SEC14L3: variants seen among roughly 807,000 people sequenced by gnomAD.
SEC14L3 encodes the protein SEC14 like lipid binding 3.
Under a neutral mutation model 57.4 loss-of-function variants are expected in SEC14L3, and 56 were observed. The observed-to-expected ratio is 0.97, with a 90% CI of 0.79 to 1.22. SEC14L3 has a LOEUF of 1.22. Among genes scored for constraint, SEC14L3 ranks in the 50% most tolerant of loss-of-function variants. SEC14L3 has a pLI of 0.00. For missense variants in SEC14L3, 485 were observed against 511.7 expected (o/e 0.95, Z 0.50); for synonymous variants, 173 against 194.4 (o/e 0.89, Z 0.92).
intron 5 of SEC14L3, 122 bp downstream of exon 5, chr22:30,468,386 T>C: frequency 1.5e-6 from 1 of 658,728 alleles, no homozygotes; most frequent in Admixed American, 2.7e-5. Flanking sequence ...GCAACAGAGC[T>C]GGTGTTTGAC....
exon 13 of SEC14L3, chr22:30,449,194 A>G: frequency 1.9e-6 from 3 of 1,550,586 alleles, no homozygotes; most frequent in South Asian, 1.2e-5. Flanking sequence ...TCATGGCTGC[A>G]TATAATCACG....
Position 30,461,323 on chromosome 22 carries a change from T to G in SEC14L3, c.1068A>C (p.Ser356=), listed in dbSNP as rs575525687. The change falls in exon 11 of 12, where the codon TCA becomes TCC. Residue 356 remains serine (S), a synonymous_variant. Transcript: ENST00000215812. ...GGGCAGACTTACAGACGCCGGCCTC[T>G]GAGCAGGTGAGGTTCCCATCCTCGG... is the stretch of plus-strand genomic sequence containing the variant. The part of the protein sequence containing the change: ...MVPEDGNLTC[S]EAGVYVLRFD... 4 of 1,596,828 alleles carry G rather than the reference T, an allele frequency of 2.5e-6. No individual in the cohort carries two copies. Among genetic ancestry groups the G allele is most frequent in the South Asian group, 2.3e-5 (2 of 88,034 alleles).
At chr22:30,467,408 TA>T (rs1935456397) in intron 5 of SEC14L3, among the ~76,000 whole-genome samples, 1 of 152,152 alleles carries the variant, frequency 6.6e-6, no homozygotes, top group Non-Finnish European at 1.5e-5. Flanking sequence ...AATATAAATA[TA>T]AACTGATAAA....
At chr22:30,455,164 T>TTAATATA (rs1935095673), downstream of SEC14L3, among the ~76,000 whole-genome samples, 4 of 113,150 alleles carry the variant, frequency 3.5e-5, no homozygotes, top group Admixed American at 5.2e-4. Flanking sequence ...TATTTAATAT[T>TTAATATA]TAATATATTA....
Position 30,462,141 on chromosome 22 carries a change from G to T in SEC14L3, c.716C>A (p.Ala239Asp), listed in dbSNP as rs1405093133. 1 of 1,614,176 alleles carries T rather than the reference G, an allele frequency of 6.2e-7. No individual in the cohort carries two copies. Among genetic ancestry groups the T allele is most frequent in the East Asian group, 2.2e-5 (1 of 44,882 alleles). Reference protein sequence around the residue: ...LKLISPEELPAQFGGTLTDPD... With the variant: ...LKLISPEELPDQFGGTLTDPD... ...GTCAGTCAGGGTGCCCCCAAACTGG[G>T]CAGGCAGTTCCTCAGGACTGATGAG... Residue 239 changes from alanine (A) to aspartate (D), a missense_variant, in exon 9 of 12, where the codon GCC becomes GAC. By Grantham distance (126) the Ala-to-Asp change is moderately radical. Transcript: ENST00000215812.
chr22:30,449,771 G>T (rs1934946278), intron 12 of SEC14L3, among the ~76,000 whole-genome samples: 1 of 152,046 alleles, frequency 6.6e-6, no homozygotes. Context: ...CACCATGTTG[G>T]CCAGGCTTGT....
chr22:30,454,462 T>G (rs1399421218), downstream of SEC14L3, among the ~76,000 whole-genome samples: 1 of 96,132 alleles, frequency 1.0e-5, no homozygotes, highest in African/African-American at 4.4e-5. Flanking sequence ...AAATAACCCT[T>G]GTTTCTCTCT....
chr22:30,467,090 G>C lies in SEC14L3; in HGVS notation c.424-13C>G. ...TCTTCTTCCCTAGCTGCAAGGATGA[G>C]AGCAAGAAGTAGTTCTGGAGTTCAG... On this transcript the variant is annotated splice_polypyrimidine_tract_variant and intron_variant, in intron 5 of 11. Coordinates refer to ENST00000215812, the MANE Select transcript of SEC14L3 (RefSeq NM_174975.5). The C allele has an allele frequency of 1.9e-6, 3 of 1,613,966 alleles. No individual in the cohort carries two copies. In the South Asian group the frequency reaches 3.3e-5, roughly 18 times the overall value.
At chr22:30,467,856 T>G (rs750464351) in intron 5 of SEC14L3, among the ~76,000 whole-genome samples, 32 of 152,236 alleles carry the variant, frequency 2.1e-4, no homozygotes, top group Non-Finnish European at 4.3e-4. Context: ...ATTATTTCAT[T>G]TCACTTTTGC....
chr22:30,468,681 T>G lies in SEC14L3; in HGVS notation c.250A>C (p.Met84Leu), dbSNP rs141804836. The G allele has an allele frequency of 2.0e-4, 322 of 1,613,582 alleles. No individual in the cohort carries two copies. The highest frequency in any genetic ancestry group is 2.7e-4 in the Non-Finnish European group (319 of 1,179,694). The change falls in exon 5 of 12, where the codon ATG becomes CTG. Residue 84 changes from methionine to leucine, a missense_variant. By Grantham distance (15) the Met-to-Leu change is conservative. Coordinates refer to ENST00000215812, the MANE Select transcript of SEC14L3 (RefSeq NM_174975.5). ...WQPPEVIQKY[M>L]PGGLCGYDRD... ...TCATAGCCACACAGGCCCCCAGGCA[T>G]GTACTTCTGGATCACCTGGGCATGA...
At chr22:30,465,732 C>T (rs1181328696) in intron 7 of SEC14L3, among the ~76,000 whole-genome samples, 1 of 152,246 alleles carries the variant, frequency 6.6e-6, no homozygotes, top group Non-Finnish European at 1.5e-5. Flanking sequence ...AGCCAATTCT[C>T]CAACGAACCA....
At chr22:30,454,921 T>TCA (rs1935075807), downstream of SEC14L3, among the ~76,000 whole-genome samples, 1 of 45,024 alleles carries the variant, frequency 2.2e-5, no homozygotes, top group Non-Finnish European at 3.6e-5. Context: ...TTATTATATA[T>TCA]TATATAATAG....
chr22:30,452,246 C>CTTTTTTT (rs750537241), intron 12 of SEC14L3, among the ~76,000 whole-genome samples: 12 of 90,006 alleles, frequency 1.3e-4, no homozygotes, highest in Non-Finnish European at 1.9e-4. Context: ...TTCTTTCTTT[C>CTTTTTTT]TTTTTTTTTT....
intron 12 of SEC14L3, among the ~76,000 whole-genome samples, chr22:30,451,991 C>CAAAAAAAAAAAAAAAAA (rs34799395): frequency 1.8e-4 from 6 of 33,796 alleles, no homozygotes; most frequent in Non-Finnish European, 2.4e-4. Flanking sequence ...GACTCCATCT[C>CAAAAAAAAAAAAAAAAA]AAAAAAAAAA....
intron 7 of SEC14L3, among the ~76,000 whole-genome samples, chr22:30,465,957 G>A (rs1303005364): frequency 2.6e-5 from 4 of 152,230 alleles, no homozygotes; most frequent in Admixed American, 2.6e-4. Flanking sequence ...GCTTCAAGGA[G>A]CAGAAAACTC....
intron 4 of SEC14L3, 39 bp downstream of exon 4, chr22:30,469,980 G>A (rs776549380): frequency 3.3e-5 from 48 of 1,455,568 alleles, no homozygotes; most frequent in Non-Finnish European, 4.4e-5. Flanking sequence ...TGAGTGGTAC[G>A]TCCGTGAAAG....
At chr22:30,448,566 TAAAAA>T (rs10580243) in exon 13 of SEC14L3, 4 of 118,114 alleles carry the variant, frequency 3.4e-5, no homozygotes, top group Non-Finnish European at 6.9e-5. Context: ...TACATTCTCC[TAAAAA>T]AAAAAAAAAA....
rs1935183149 is a variant in SEC14L3, at chr22:30,459,478, A to G, written c.*543T>C. 2.0e-6 allele frequency: 2 copies of G among 985,458 alleles called. No individual in the cohort carries two copies. Among genetic ancestry groups the G allele is most frequent in the South Asian group, 9.4e-5 (2 of 21,294 alleles). The allele number at this position is 985,458 out of a possible 1,614,324, so 61.0% of individuals were successfully genotyped here. On this transcript the variant is annotated 3_prime_UTR_variant, in exon 12 of 12. Coordinates refer to ENST00000215812, the MANE Select transcript of SEC14L3 (RefSeq NM_174975.5). Reference sequence around the variant, plus strand: ...TGTCTGGGTCTCCAGAAGAGAGTCCAACCCCACCACACATCTGCTCCTGTC... The same window carrying G: ...TGTCTGGGTCTCCAGAAGAGAGTCCGACCCCACCACACATCTGCTCCTGTC...
Position 30,462,186 on chromosome 22 carries a change from C to T in SEC14L3, c.671G>A (p.Trp224Ter), listed in dbSNP as rs1371182783. The T allele has an allele frequency of 1.2e-6, 2 of 1,612,918 alleles. No individual in the cohort carries two copies. Among genetic ancestry groups the T allele is most frequent in the Non-Finnish European group, 1.7e-6 (2 of 1,179,432 alleles). Reference protein sequence around the residue: ...RRKIIVLGNNWKEGLLKLISP... With the variant: ...RRKIIVLGNN Reference sequence around the variant, plus strand: ...GATGAGTTTCAGCAAACCTTCCTTCCAGTTATCTGGGAGCAGTGGGATTCA... The same window carrying T: ...GATGAGTTTCAGCAAACCTTCCTTCTAGTTATCTGGGAGCAGTGGGATTCA... Residue 224 changes from tryptophan (W) to a stop codon, truncating the protein, a stop_gained, in exon 9 of 12, where the codon TGG becomes TAG. Transcript: ENST00000215812. LOFTEE classifies it high-confidence loss of function.
Sources: gnomAD v4.1 joint callset for allele counts (sites outside exome capture counted in the v4.1 genomes callset) on GRCh38, gnomAD v4.1.1 for gene constraint, MANE v1.5 for transcripts, NCBI Gene and HGNC (gene_info 2026-07-23, HGNC 2026-07-21) for gene names.